P2RY2: variants seen among roughly 807,000 people sequenced by gnomAD.
P2RY2 encodes P2Y purinoceptor 2.
For synonymous variants in P2RY2, 241 were observed against 231.9 expected, an observed-to-expected ratio of 1.04 and a Z score of -0.35; for missense variants, 567 against 515.7, an observed-to-expected ratio of 1.10 and a Z score of -0.96.
intron 2 of P2RY2, among the ~76,000 whole-genome samples, chr11:73,233,805 G>A (rs1862531077): frequency 6.6e-6 from 1 of 152,126 alleles, no homozygotes; most frequent in Non-Finnish European, 1.5e-5. Flanking sequence ...TTTTTTAAAG[G>A]TCAGATAGTG....
chr11:73,237,884 T>C lies in P2RY2; in HGVS notation c.*2591T>C, dbSNP rs1862691440. Among the ~76,000 whole-genome samples the C allele has an allele frequency of 6.6e-6, 1 of 152,180 alleles. No homozygotes were observed. The highest frequency in any genetic ancestry group is 1.5e-5 in the Non-Finnish European group (1 of 68,030). Reference sequence around the variant, plus strand: ...CTGGCCCCAGACCATTGTCCAGCAGTGACGTGAGGGGATCTGCCTGCCCTC... The same window carrying C: ...CTGGCCCCAGACCATTGTCCAGCAGCGACGTGAGGGGATCTGCCTGCCCTC... On this transcript the variant is annotated 3_prime_UTR_variant, in exon 3 of 3. Coordinates refer to ENST00000393597, the MANE Select transcript of P2RY2 (RefSeq NM_002564.4).
At position 73,227,989 on chromosome 11, in the gene P2RY2, T is replaced by C. The variant is rs59099183; in HGVS notation, c.-191T>C. The stretch of plus-strand genomic sequence containing the variant: ...CCTCCCTCTGTCTGCAGGAGCCCCT[T>C]GTGGCAGCAGCACTACCTGCCCAGA... On this transcript the variant is annotated 5_prime_UTR_variant, in exon 2 of 3. Transcript: ENST00000393597. 288 of 152,248 alleles carry C rather than the reference T, an allele frequency of 1.9e-3. No individual in the cohort carries two copies. Among genetic ancestry groups the C allele is most frequent in the African/African-American group, 6.5e-3 (270 of 41,534 alleles). 9.4% of individuals were successfully genotyped at this position (152,248 alleles called of 1,614,324 possible). A position where few individuals can be genotyped will look rare whatever the true frequency, so the allele number is the denominator to read the frequency against.
chr11:73,221,106 A>G (rs1040859265), intron 1 of P2RY2, among the ~76,000 whole-genome samples: 2 of 152,180 alleles, frequency 1.3e-5, no homozygotes, highest in Non-Finnish European at 2.9e-5. Flanking sequence ...GGAATGTGAC[A>G]CTTGTAGACT....
In P2RY2 at chr11:73,236,236, A is replaced by T; in HGVS notation, c.*943A>T. On this transcript the variant is annotated 3_prime_UTR_variant, in exon 3 of 3. Transcript: ENST00000393597. Reference sequence around the variant, plus strand: ...TGTGCTGGTAAATGTTAAGCCATTTAACTGGAGCTCCGATTTAACTGGGAA... The same window carrying T: ...TGTGCTGGTAAATGTTAAGCCATTTTACTGGAGCTCCGATTTAACTGGGAA... 1.0e-6 allele frequency: 1 copy of T among 960,584 alleles called. No individual in the cohort carries two copies. The highest frequency in any genetic ancestry group is 1.2e-4 in the East Asian group (1 of 8,614). The allele number at this position is 960,584 out of a possible 1,614,324, so 59.5% of individuals were successfully genotyped here. A position where few individuals can be genotyped will look rare whatever the true frequency, so the allele number is the denominator to read the frequency against.
intron 1 of P2RY2, among the ~76,000 whole-genome samples, chr11:73,224,535 T>C (rs188846663): frequency 3.9e-5 from 6 of 152,302 alleles, no homozygotes; most frequent in Non-Finnish European, 7.4e-5. Flanking sequence ...TCCCCTGACG[T>C]TGACAGTGAA....
intron 2 of P2RY2, among the ~76,000 whole-genome samples, chr11:73,230,936 C>T (rs1444032210): frequency 7.4e-6 from 1 of 134,720 alleles, no homozygotes; most frequent in African/African-American, 2.7e-5. Context: ...GTGGGGGTGG[C>T]GCTGGAGGAG....
chr11:73,222,671 C>A (rs934181753), intron 1 of P2RY2, among the ~76,000 whole-genome samples: 1 of 152,156 alleles, frequency 6.6e-6, no homozygotes, highest in African/African-American at 2.4e-5. Flanking sequence ...GCCTCTCCTG[C>A]CTTCAGAGCC....
chr11:73,232,417 C>CT (rs57448190), intron 2 of P2RY2, among the ~76,000 whole-genome samples: 2 of 150,734 alleles, frequency 1.3e-5, no homozygotes, highest in Non-Finnish European at 3.0e-5. Flanking sequence ...AGTGTAGTAA[C>CT]TTTTTTTTTT....
chr11:73,234,752 A>G lies in P2RY2; in HGVS notation c.593A>G (p.Tyr198Cys). ...APELFSRFVAYSSVMLGLLFA... is the reference protein window; with the variant it reads ...APELFSRFVACSSVMLGLLFA... The stretch of plus-strand genomic sequence containing the variant: ...GAGCTCTTCAGCCGCTTCGTGGCCT[A>G]CAGCTCAGTCATGCTGGGCCTGCTC... Residue 198 changes from tyrosine to cysteine, a missense_variant, in exon 3 of 3, where the codon TAC (tyrosine) becomes TGC (cysteine). By Grantham distance (194) the Tyr-to-Cys change is radical. Transcript: ENST00000393597. 1 of 1,611,074 alleles carries G rather than the reference A, an allele frequency of 6.2e-7. No individual in the cohort carries two copies. Among genetic ancestry groups the G allele is most frequent in the Non-Finnish European group, 8.5e-7 (1 of 1,179,922 alleles).
intron 2 of P2RY2, among the ~76,000 whole-genome samples, chr11:73,233,076 C>T (rs1791926): frequency 0.85 from 129,318 of 152,050 alleles, 57,392 homozygotes; most frequent in East Asian, 1. Context: ...ATGATACTGA[C>T]GATATGCAGA....
chr11:73,224,189 G>A (rs925677796), intron 1 of P2RY2, among the ~76,000 whole-genome samples: 8 of 152,232 alleles, frequency 5.3e-5, no homozygotes, highest in African/African-American at 1.9e-4. Context: ...AAGGCAGGGG[G>A]CCTGCTGGCT....
chr11:73,228,192 TGGGG>T lies in P2RY2; in HGVS notation c.-5+21_-5+24del, dbSNP rs1311854497. ...GCTGGTCAGGTACGTGGGGTGGGGGTGGGGGGGAGCGGGTACGCTGGCCGGGAGG... is the reference window on the plus strand; with the variant it reads ...GCTGGTCAGGTACGTGGGGTGGGGGTGGGAGCGGGTACGCTGGCCGGGAGG... On this transcript the variant is annotated intron_variant, in intron 2 of 2. Transcript: ENST00000393597. The T allele has an allele frequency of 1.7e-4, 12 of 71,968 alleles. No homozygotes were observed. The highest frequency in any genetic ancestry group is 1.0e-3 in the African/African-American group (11 of 10,738). The allele number at this position is 71,968 out of a possible 1,614,324, so 4.5% of individuals were successfully genotyped here.
chr11:73,234,183 G>A lies in P2RY2; in HGVS notation c.24G>A (p.Trp8Ter). ...CGATGGCAGCAGACCTGGGCCCCTG[G>A]AATGACACCATCAATGGCACCTGGG... MAADLGP[W>*]NDTINGTWDG... Residue 8 changes from tryptophan (W) to a stop codon, truncating the protein, a stop_gained, in exon 3 of 3, where the codon TGG (tryptophan) becomes TGA (stop). Coordinates refer to ENST00000393597, the MANE Select transcript of P2RY2 (RefSeq NM_002564.4). LOFTEE classifies it low-confidence loss of function (END_TRUNC). The A allele has an allele frequency of 6.2e-7, 1 of 1,612,754 alleles. No individual in the cohort carries two copies.
chr11:73,224,872 C>G (rs1862232563), intron 1 of P2RY2, among the ~76,000 whole-genome samples: 1 of 152,160 alleles, frequency 6.6e-6, no homozygotes, highest in South Asian at 2.1e-4. Context: ...ATAAAATAAG[C>G]CTAAATCATC....
In P2RY2 at chr11:73,240,082, T is replaced by A. The variant is rs1862742724; in HGVS notation, c.*4789T>A. On this transcript the variant is annotated 3_prime_UTR_variant, in exon 3 of 3. Transcript: ENST00000393597. The stretch of plus-strand genomic sequence containing the variant: ...CACTGTCCCTCTCTGGGCCTCGCTT[T>A]CCCCATCTTCGATAGGACTTGGCTC... The A allele has an allele frequency of 6.6e-6, 1 of 152,332 alleles. No individual in the cohort carries two copies. The highest frequency in any genetic ancestry group is 1.5e-5 in the Non-Finnish European group (1 of 68,166). The allele number at this position is 152,332 out of a possible 1,614,324, so 9.4% of individuals were successfully genotyped here.
Position 73,234,469 on chromosome 11 carries a change from G to T in P2RY2, c.310G>T (p.Val104Leu), listed in dbSNP as rs866940383. The T allele has an allele frequency of 6.2e-7, 1 of 1,614,038 alleles. No homozygotes were observed. The highest frequency in any genetic ancestry group is 1.3e-5 in the African/African-American group (1 of 74,940). ...ARGDHWPFST[V>L]LCKLVRFLFY... ...CGGCGACCACTGGCCCTTCAGCACG[G>T]TGCTCTGCAAGCTGGTGCGCTTCCT... The change falls in exon 3 of 3, where the codon GTG becomes TTG. Residue 104 changes from valine (V) to leucine (L), a missense_variant. Physicochemically the swap from Val to Leu is conservative, Grantham distance 32. Transcript: ENST00000393597.
chr11:73,223,855 C>T (rs965461764), intron 1 of P2RY2, among the ~76,000 whole-genome samples: 7 of 152,162 alleles, frequency 4.6e-5, no homozygotes, highest in Non-Finnish European at 1.0e-4. Flanking sequence ...GTCAAACCCA[C>T]ACTGACAATA....
rs914296806 is a variant in P2RY2, at chr11:73,238,143, G to C, written c.*2850G>C. Among the ~76,000 whole-genome samples the C allele has an allele frequency of 1.3e-5, 2 of 152,248 alleles. No homozygotes were observed. Among genetic ancestry groups the C allele is most frequent in the African/African-American group, 4.8e-5 (2 of 41,452 alleles). On this transcript the variant is annotated 3_prime_UTR_variant, in exon 3 of 3. Coordinates refer to ENST00000393597, the MANE Select transcript of P2RY2 (RefSeq NM_002564.4). Reference sequence around the variant, plus strand: ...CAGCGTGGCGCCTGGATGTAAGCAAGTGCCTTGGTGACGATCCTGCTGTCA... The same window carrying C: ...CAGCGTGGCGCCTGGATGTAAGCAACTGCCTTGGTGACGATCCTGCTGTCA...
chr11:73,235,068 C>G lies in P2RY2; in HGVS notation c.909C>G (p.Pro303=). 3 of 1,608,088 alleles carry G rather than the reference C, an allele frequency of 1.9e-6. No homozygotes were observed. The highest frequency in any genetic ancestry group is 1.7e-6 in the Non-Finnish European group (2 of 1,179,606). Residue 303 remains proline, a synonymous_variant, in exon 3 of 3, where the codon CCC becomes CCG. Transcript: ENST00000393597. ...PLASANSCLD[P]VLYFLAGQRL... is the part of the protein sequence containing the mutation. ...CCAGTGCTAACAGTTGCCTTGACCC[C>G]GTGCTCTACTTCCTGGCTGGGCAGA... is the stretch of plus-strand genomic sequence containing the variant.
Sources: allele counts gnomAD v4.1 joint callset (sites outside exome capture counted in the v4.1 genomes callset), GRCh38; gene constraint gnomAD v4.1.1; transcripts MANE v1.5; gene names NCBI Gene and HGNC (gene_info 2026-07-23, HGNC 2026-07-21).